Variants in DST observed in about 807,000 individuals in gnomAD.
DST encodes bullous pemphigoid antigen.
DST carries 253 observed loss-of-function variants against 875.2 expected under a neutral mutation model. The ratio of observed to expected loss-of-function variants is 0.29; its 90% CI spans 0.26 to 0.32. The LOEUF is 0.32. Among genes scored for constraint, DST ranks in the 10% least tolerant of loss-of-function variants. DST has a pLI of 1.00. For missense variants in DST, 8,287 were observed against 9,111.6 expected (o/e 0.91, Z 3.68); for synonymous variants, 3,124 against 3,197.1 (o/e 0.98, Z 0.77).
chr6:56,529,261 G>C (rs2096855252), intron 66 of DST, among the ~76,000 whole-genome samples, 187 bp downstream of exon 66: 1 of 152,094 alleles, frequency 6.6e-6, no homozygotes, highest in Non-Finnish European at 1.5e-5. Context: ...GAAATATCCA[G>C]CTAATTGGAT....
At position 56,521,492 on chromosome 6, in the gene DST, A is replaced by C. The variant is rs1224303970; in HGVS notation, c.18130-3872T>G. Among the ~76,000 whole-genome samples the C allele has an allele frequency of 9.6e-4, 145 of 151,684 alleles. 1 individual carries two copies. Among genetic ancestry groups the C allele is most frequent in the Non-Finnish European group, 1.3e-3 (89 of 67,808 alleles). On this transcript the variant is annotated intron_variant, in intron 69 of 103. Transcript: ENST00000680361. Reference sequence around the variant, plus strand: ...GTCTTCCCTATTTAAAAAAAAAAAAAAACTTTCCAGCAATAAACAGTATGG... The same window carrying C: ...GTCTTCCCTATTTAAAAAAAAAAAACAACTTTCCAGCAATAAACAGTATGG...
At chr6:56,889,139 A>G (rs1044537101) in intron 3 of DST, among the ~76,000 whole-genome samples, 3 of 152,192 alleles carry the variant, frequency 2.0e-5, no homozygotes, top group African/African-American at 7.2e-5. Context: ...TCAGACCTCA[A>G]GTGTCTTCTC....
chr6:56,488,376 T>G (rs1311109643), intron 86 of DST, among the ~76,000 whole-genome samples: 1 of 152,164 alleles, frequency 6.6e-6, no homozygotes, highest in East Asian at 1.9e-4. Context: ...AATAAAGCAT[T>G]CTGTTTTGAG....
chr6:56,485,521 A>G (rs1328987355), intron 87 of DST, 50 bp from the exon 88 acceptor site: 1 of 1,552,634 alleles, frequency 6.4e-7, no homozygotes, highest in African/African-American at 1.4e-5. Context: ...AACGTCACTC[A>G]TATATCTGAA....
intron 61 of DST, among the ~76,000 whole-genome samples, chr6:56,549,959 G>A (rs1048388624): frequency 5.9e-5 from 9 of 152,114 alleles, no homozygotes; most frequent in African/African-American, 2.2e-4. Flanking sequence ...TAACCTCCTT[G>A]AGCCTAGGCT....
chr6:56,736,475 T>A (rs1020720081), intron 4 of DST, among the ~76,000 whole-genome samples: 13 of 152,280 alleles, frequency 8.5e-5, no homozygotes, highest in Admixed American at 5.9e-4. Flanking sequence ...TTCCTTACTT[T>A]CTTATTTCCT....
chr6:56,785,108 C>T (rs568945109), intron 4 of DST, among the ~76,000 whole-genome samples: 22 of 152,284 alleles, frequency 1.4e-4, no homozygotes, highest in African/African-American at 4.6e-4. Context: ...GAGGAGTACC[C>T]GGCCGTGCGA....
chr6:56,568,567 G>A lies in DST; in HGVS notation c.13907C>T (p.Thr4636Ile). 6.2e-7 allele frequency: 1 copy of A among 1,610,028 alleles called. No individual in the cohort carries two copies. The highest frequency in any genetic ancestry group is 8.5e-7 in the Non-Finnish European group (1 of 1,178,122). The change falls in exon 55 of 104, where the codon ACA (threonine) becomes ATA (isoleucine). Residue 4636 changes from threonine (T) to isoleucine (I), a missense_variant. Physicochemically the swap from Thr to Ile is moderately conservative, Grantham distance 89. Coordinates refer to ENST00000680361, the MANE Select transcript of DST (RefSeq NM_001374736.1). ...KKLQEKWSLK[T>I]PEIQKVNNSG... ...GTTGTTTACTTTCTGAATCTCTGGT[G>A]TTTTTAAACTCCACTTTTCTTGTAA...
At chr6:56,920,285 C>T (rs1193791789) in intron 2 of DST, among the ~76,000 whole-genome samples, 1 of 152,166 alleles carries the variant, frequency 6.6e-6, no homozygotes, top group Non-Finnish European at 1.5e-5. Flanking sequence ...CAATTCCTTC[C>T]CAGGCATGAG....
intron 32 of DST, among the ~76,000 whole-genome samples, 161 bp from the exon 33 acceptor site, chr6:56,628,322 C>G (rs1177343087): frequency 4.6e-5 from 7 of 152,136 alleles, no homozygotes; most frequent in Non-Finnish European, 1.5e-5. Context: ...AGGCACACCC[C>G]CAAGGGCATT....
chr6:56,651,615 T>G (rs2098976223), intron 10 of DST, among the ~76,000 whole-genome samples: 1 of 152,218 alleles, frequency 6.6e-6, no homozygotes, highest in Admixed American at 6.5e-5. Context: ...GACAAAAAGC[T>G]TGTAGCTTAA....
intron 36 of DST, among the ~76,000 whole-genome samples, chr6:56,623,596 A>G: frequency 6.6e-6 from 1 of 152,224 alleles, no homozygotes; most frequent in East Asian, 1.9e-4. Context: ...AGTAACATCC[A>G]ATAGATGTTT....
intron 4 of DST, among the ~76,000 whole-genome samples, chr6:56,762,027 G>GT (rs35664391): frequency 0.25 from 37,794 of 148,596 alleles, 6,445 homozygotes; most frequent in African/African-American, 0.49. Flanking sequence ...CTCCAGAAAT[G>GT]TTTTTTTTTT....
chr6:56,544,312 C>G (rs1045884586), intron 61 of DST, among the ~76,000 whole-genome samples: 2 of 152,186 alleles, frequency 1.3e-5, no homozygotes, highest in African/African-American at 4.8e-5. Context: ...GAGTGCCTTT[C>G]TCTAAACACT....
rs1199977000 is a variant in DST, at chr6:56,604,140, C to T, written c.10488G>A (p.Leu3496=). 1.9e-6 allele frequency: 3 copies of T among 1,584,774 alleles called. No individual in the cohort carries two copies. Among genetic ancestry groups the T allele is most frequent in the Non-Finnish European group, 2.6e-6 (3 of 1,163,364 alleles). The change falls in exon 40 of 104, where the codon CTG becomes CTA. Residue 3496 remains leucine, a synonymous_variant. Coordinates refer to ENST00000680361, the MANE Select transcript of DST (RefSeq NM_001374736.1). ...PLQLENIFYK[L]LADGYSEKIE... is the part of the protein sequence containing the mutation. ...TTTTCTCTGAATATCCATCAGCAAG[C>T]AGTTTGTAGAAAATATTTTCAAGCT...
chr6:56,468,825 G>A (rs2094723982), intron 98 of DST, among the ~76,000 whole-genome samples, 157 bp downstream of exon 98: 1 of 152,044 alleles, frequency 6.6e-6, no homozygotes, highest in Non-Finnish European at 1.5e-5. Flanking sequence ...CTGGATCAAG[G>A]ACCCTTATAG....
At chr6:56,875,509 A>T (rs1307665970) in intron 3 of DST, among the ~76,000 whole-genome samples, 2 of 152,240 alleles carry the variant, frequency 1.3e-5, no homozygotes, top group Non-Finnish European at 2.9e-5. Flanking sequence ...AGTTGAAATA[A>T]TGACTAGTCA....
Position 56,605,334 on chromosome 6 carries a change from T to C in DST, c.9294A>G (p.Thr3098=). ...INSQFPFPQI[T]NNEELNQKGS... ...CTTTCTGATTAAGTTCTTCATTGTT[T>C]GTGATTTGTGGAAATGGAAACTGAC... The change falls in exon 40 of 104, where the codon ACA becomes ACG. Residue 3098 remains threonine (T), a synonymous_variant. Coordinates refer to ENST00000680361, the MANE Select transcript of DST (RefSeq NM_001374736.1). The C allele has an allele frequency of 3.7e-6, 6 of 1,612,390 alleles. No homozygotes were observed.
chr6:56,537,814 AT>A (rs529196479), intron 61 of DST, among the ~76,000 whole-genome samples: 13 of 152,200 alleles, frequency 8.5e-5, no homozygotes, highest in Non-Finnish European at 1.9e-4. Context: ...GAAAGCAGAA[AT>A]TTGTTTTCCT....
Sources: gnomAD v4.1 joint callset for allele counts (sites outside exome capture counted in the v4.1 genomes callset) on GRCh38, gnomAD v4.1.1 for gene constraint, MANE v1.5 for transcripts, NCBI Gene and HGNC (gene_info 2026-07-23, HGNC 2026-07-21) for gene names.